The following ANKS1B variants were observed in gnomAD, a reference collection of about 807,000 sequenced individuals.
The protein encoded by ANKS1B is ankyrin repeat and sterile alpha motif domain containing 1B, also known as ankyrin repeat and sterile alpha motif domain-containing protein 1B.
Under a neutral mutation model 148.3 loss-of-function variants are expected in ANKS1B, and 36 were observed. That is an observed-to-expected ratio of 0.24 (90% CI 0.19 to 0.32). The LOEUF is 0.32. Ranked by LOEUF, ANKS1B falls within the 10% of genes least tolerant of loss-of-function variation. The probability of loss-of-function intolerance (pLI) is 1.00; values close to 1 mark genes in which losing one functional copy is unlikely to be tolerated. For missense variants in ANKS1B, 1,157 were observed against 1,542.6 expected (o/e 0.75, Z 4.19); for synonymous variants, 542 against 560.8 (o/e 0.97, Z 0.47).
chr12:99,558,242 G>T (rs374544083), intron 9 of ANKS1B, among the ~76,000 whole-genome samples: 7 of 152,214 alleles, frequency 4.6e-5, no homozygotes, highest in African/African-American at 1.7e-4. Flanking sequence ...GTGGGGCAGG[G>T]GCAAGGCATT....
intron 16 of ANKS1B, among the ~76,000 whole-genome samples, chr12:99,067,564 G>A (rs919795675): frequency 6.6e-6 from 1 of 152,162 alleles, no homozygotes; most frequent in Non-Finnish European, 1.5e-5. Flanking sequence ...GCAGAAAAGG[G>A]CAGATGTCTC....
chr12:99,590,024 G>C (rs1245292207), intron 9 of ANKS1B, among the ~76,000 whole-genome samples: 1 of 151,906 alleles, frequency 6.6e-6, no homozygotes, highest in Non-Finnish European at 1.5e-5. Flanking sequence ...AGTCAACATG[G>C]TACATTTCTA....
At chr12:99,318,237 A>T (rs554575563) in intron 12 of ANKS1B, among the ~76,000 whole-genome samples, 41 of 152,314 alleles carry the variant, frequency 2.7e-4, no homozygotes, top group African/African-American at 9.1e-4. Context: ...TTCAGAAGGA[A>T]TGGTACCAGC....
At chr12:99,150,648 G>T (rs2074585461) in intron 15 of ANKS1B, among the ~76,000 whole-genome samples, 1 of 151,938 alleles carries the variant, frequency 6.6e-6, no homozygotes, top group African/African-American at 2.4e-5. Flanking sequence ...AAATATGATG[G>T]TAGAGACAAA....
intron 8 of ANKS1B, among the ~76,000 whole-genome samples, chr12:99,751,089 T>C (rs1442945834): frequency 6.6e-6 from 1 of 151,932 alleles, no homozygotes; most frequent in African/African-American, 2.4e-5. Flanking sequence ...TATTCATAAG[T>C]AGTCTACATC....
chr12:99,632,075 C>T (rs1448812799), intron 9 of ANKS1B, among the ~76,000 whole-genome samples: 1 of 152,148 alleles, frequency 6.6e-6, no homozygotes, highest in Admixed American at 6.5e-5. Flanking sequence ...GCCTGGGGTG[C>T]TCATTGCCCA....
chr12:99,419,505 C>T (rs2095019120), intron 11 of ANKS1B, among the ~76,000 whole-genome samples: 1 of 151,982 alleles, frequency 6.6e-6, no homozygotes, highest in Non-Finnish European at 1.5e-5. Context: ...CTCAGTTTCA[C>T]TTTAAGAACA....
At chr12:99,835,787 A>C (rs989889904) in intron 1 of ANKS1B, among the ~76,000 whole-genome samples, 4 of 152,184 alleles carry the variant, frequency 2.6e-5, no homozygotes, top group Admixed American at 2.0e-4. Context: ...ATAATATGAA[A>C]AAGCTTTCTA....
chr12:99,971,014 A>G (rs557815197), intron 1 of ANKS1B, among the ~76,000 whole-genome samples: 2 of 150,544 alleles, frequency 1.3e-5, no homozygotes, highest in African/African-American at 4.8e-5. Flanking sequence ...ACTTGTTAAA[A>G]TAAGTAAAGA....
intron 17 of ANKS1B, among the ~76,000 whole-genome samples, chr12:98,933,618 C>T (rs2099815744): frequency 6.6e-6 from 1 of 152,108 alleles, no homozygotes. Flanking sequence ...TTCCCACCAA[C>T]AGTGTGGAGC....
chr12:99,055,679 T>A (rs1379387674), intron 16 of ANKS1B, among the ~76,000 whole-genome samples: 1 of 144,776 alleles, frequency 6.9e-6, no homozygotes, highest in Admixed American at 6.9e-5. Flanking sequence ...AAATTTAGAA[T>A]CAGAAGAGAG....
At chr12:99,575,585 G>C (rs948060026) in intron 9 of ANKS1B, among the ~76,000 whole-genome samples, 1 of 152,022 alleles carries the variant, frequency 6.6e-6, no homozygotes, top group Non-Finnish European at 1.5e-5. Context: ...GAGAAAATAA[G>C]AGCCAAGTGA....
intron 17 of ANKS1B, among the ~76,000 whole-genome samples, chr12:98,845,979 TAC>T (rs67641647): frequency 0.48 from 57,213 of 119,910 alleles, 12,775 homozygotes; most frequent in South Asian, 0.68. Context: ...TATATATATA[TAC>T]ACACACACAC....
intron 14 of ANKS1B, among the ~76,000 whole-genome samples, chr12:99,205,170 G>A (rs1236228869): frequency 2.0e-5 from 3 of 152,144 alleles, no homozygotes; most frequent in African/African-American, 4.8e-5. Context: ...AAGAGAGTGC[G>A]AGATGATGGC....
intron 26 of ANKS1B, among the ~76,000 whole-genome samples, chr12:98,746,591 ATATT>A (rs1177230581): frequency 2.0e-5 from 3 of 152,122 alleles, no homozygotes; most frequent in African/African-American, 7.2e-5. Context: ...GCGTCATCAC[ATATT>A]TATTTGTTCA....
intron 12 of ANKS1B, among the ~76,000 whole-genome samples, chr12:99,378,666 A>G (rs1355250650): frequency 3.0e-4 from 45 of 151,402 alleles, no homozygotes; most frequent in African/African-American, 1.0e-3. Flanking sequence ...AAAAAAAAAA[A>G]AAAAAAAGAA....
intron 17 of ANKS1B, among the ~76,000 whole-genome samples, chr12:99,043,149 A>G (rs1431533452): frequency 2.0e-5 from 3 of 152,216 alleles, no homozygotes; most frequent in South Asian, 2.1e-4. Context: ...TTTAAAAAAG[A>G]TCATAGTCAT....
At chr12:99,266,317 T>A (rs1227103160) in intron 12 of ANKS1B, among the ~76,000 whole-genome samples, 1 of 152,190 alleles carries the variant, frequency 6.6e-6, no homozygotes, top group Admixed American at 6.5e-5. Flanking sequence ...TGTAAGGGTC[T>A]CTGATATGCA....
intron 8 of ANKS1B, among the ~76,000 whole-genome samples, chr12:99,666,857 GGTGTGTGTGTGTGTGT>G (rs3083633): frequency 1.8e-4 from 24 of 132,628 alleles, no homozygotes; most frequent in East Asian, 1.6e-3. Flanking sequence ...GTTACTATGG[GGTGTGTGTGTGTGTGT>G]GTGTGTGTGT....
Sources: gnomAD v4.1 joint callset for allele counts (sites outside exome capture counted in the v4.1 genomes callset) on GRCh38, gnomAD v4.1.1 for gene constraint, MANE v1.5 for transcripts, NCBI Gene and HGNC (gene_info 2026-07-23, HGNC 2026-07-21) for gene names.